PRIM2: variants seen among roughly 807,000 people sequenced by gnomAD.
PRIM2 encodes DNA primase large subunit.
Under a neutral mutation model 67.3 loss-of-function variants are expected in PRIM2, and 39 were observed. The ratio of observed to expected loss-of-function variants is 0.58; its 90% CI spans 0.45 to 0.76. PRIM2 has a LOEUF of 0.76. Among genes scored for constraint, PRIM2 ranks in the 30% least tolerant of loss-of-function variants. The pLI is 0.00. For missense variants in PRIM2, 398 were observed against 598.7 expected, an observed-to-expected ratio of 0.66 and a Z score of 3.50; for synonymous variants, 143 against 198.7, an observed-to-expected ratio of 0.72 and a Z score of 2.36.
rs35655127 is a variant in PRIM2 at position 57,452,143 on chromosome 6, G to A, written c.694-55244G>A. On this transcript the variant is annotated intron_variant, in intron 7 of 13. Transcript: ENST00000615550. ...TTTTTTTATGGCTGCATAGTATTCCGTGGTATATATGTGCCACATTTTCTT... is the reference window on the plus strand; with the variant it reads ...TTTTTTTATGGCTGCATAGTATTCCATGGTATATATGTGCCACATTTTCTT... Among the ~76,000 whole-genome samples the A allele has an allele frequency of 4.6e-5, 7 of 152,028 alleles. No homozygotes were observed. In the South Asian group the frequency reaches 6.2e-4, roughly 14 times the overall value.
At chr6:57,286,992 C>A in the PRIM2 span, among the ~76,000 whole-genome samples, 35 of 152,110 alleles carry the variant, frequency 2.3e-4, no homozygotes, top group Non-Finnish European at 4.0e-4. Flanking sequence ...ATGTGGCCAA[C>A]AAACATATGG....
intron 10 of PRIM2, among the ~76,000 whole-genome samples, chr6:57,539,421 T>C (rs1775087207): frequency 6.6e-6 from 1 of 152,182 alleles, no homozygotes; most frequent in Admixed American, 6.6e-5. Context: ...GAAAGTGATG[T>C]AATTTGTTTA....
intron 7 of PRIM2, among the ~76,000 whole-genome samples, chr6:57,500,083 C>G (rs1774099508): frequency 6.6e-6 from 1 of 152,214 alleles, no homozygotes; most frequent in Non-Finnish European, 1.5e-5. Flanking sequence ...ATAGAGCTGT[C>G]TACCTATCTG....
At chr6:57,411,696 G>A (rs557947961) in intron 7 of PRIM2, among the ~76,000 whole-genome samples, 6 of 152,262 alleles carry the variant, frequency 3.9e-5, no homozygotes, top group Non-Finnish European at 7.3e-5. Flanking sequence ...AACCTACTAT[G>A]TCAAGGTATA....
intron 7 of PRIM2, among the ~76,000 whole-genome samples, chr6:57,384,396 G>GT (rs1283180636): frequency 6.6e-6 from 1 of 152,244 alleles, no homozygotes; most frequent in East Asian, 1.9e-4. Flanking sequence ...TCATATTGGG[G>GT]TATCATTTTT....
At chr6:57,237,225 G>A in the PRIM2 span, among the ~76,000 whole-genome samples, 2 of 152,134 alleles carry the variant, frequency 1.3e-5, no homozygotes, top group East Asian at 1.9e-4. Context: ...TTTGAGAAGT[G>A]TCTGTTCATA....
chr6:57,433,099 T>C (rs1771887340), intron 7 of PRIM2, among the ~76,000 whole-genome samples: 1 of 152,258 alleles, frequency 6.6e-6, no homozygotes, highest in Non-Finnish European at 1.5e-5. Context: ...GTATTGTGTA[T>C]GGTTTCAGTG....
the PRIM2 span, among the ~76,000 whole-genome samples, chr6:57,301,886 CTA>C: frequency 5.2e-4 from 79 of 152,264 alleles, no homozygotes; most frequent in Admixed American, 4.6e-4. Context: ...ATTATTAATT[CTA>C]TGAGTGTTGA....
the PRIM2 span, among the ~76,000 whole-genome samples, chr6:57,225,061 C>T: frequency 6.6e-6 from 1 of 152,196 alleles, no homozygotes; most frequent in Non-Finnish European, 1.5e-5. Context: ...TACTCGGCCA[C>T]AATTTACCAC....
chr6:57,482,312 A>C (rs1773648821), intron 7 of PRIM2, among the ~76,000 whole-genome samples: 1 of 152,164 alleles, frequency 6.6e-6, no homozygotes, highest in Admixed American at 6.5e-5. Context: ...GAATTATTTG[A>C]AAATCAAATA....
chr6:57,370,344 G>T (rs1769502697), intron 5 of PRIM2, among the ~76,000 whole-genome samples: 1 of 152,144 alleles, frequency 6.6e-6, no homozygotes. Flanking sequence ...AGAGTAAAGA[G>T]AATATTCAGG....
At chr6:57,561,388 C>A (rs1192825403) in intron 10 of PRIM2, among the ~76,000 whole-genome samples, 20 of 152,314 alleles carry the variant, frequency 1.3e-4, no homozygotes, top group East Asian at 5.8e-4. Flanking sequence ...CACGCCGCCA[C>A]ACCCGGCTGA....
intron 7 of PRIM2, among the ~76,000 whole-genome samples, chr6:57,464,437 G>A (rs181465429): frequency 4.6e-5 from 7 of 151,954 alleles, no homozygotes; most frequent in South Asian, 2.1e-4. Flanking sequence ...GCCACCACAC[G>A]TGGCTAATTT....
intron 7 of PRIM2, among the ~76,000 whole-genome samples, chr6:57,421,083 A>C (rs138089539): frequency 1.3e-5 from 2 of 152,300 alleles, no homozygotes; most frequent in East Asian, 3.9e-4. Flanking sequence ...GAAGGATGGA[A>C]GAGCACTCAG....
intron 12 of PRIM2, among the ~76,000 whole-genome samples, chr6:57,612,816 A>T (rs1776690511): frequency 2.2e-5 from 3 of 137,942 alleles, no homozygotes; most frequent in South Asian, 2.2e-4. Context: ...TTTTAAATAG[A>T]CAGGGTCTTG....
At chr6:57,561,534 A>G (rs1775630009) in intron 10 of PRIM2, among the ~76,000 whole-genome samples, 1 of 152,156 alleles carries the variant, frequency 6.6e-6, no homozygotes, top group African/African-American at 2.4e-5. Context: ...TGCCCAGCCA[A>G]TTCGCTCAAA....
intron 7 of PRIM2, among the ~76,000 whole-genome samples, chr6:57,455,103 A>C (rs1451510204): frequency 6.6e-6 from 1 of 151,974 alleles, no homozygotes; most frequent in Non-Finnish European, 1.5e-5. Flanking sequence ...GTTTTGAGTG[A>C]GTTTCTTAAT....
intron 7 of PRIM2, among the ~76,000 whole-genome samples, chr6:57,478,432 C>A (rs1396659836): frequency 6.6e-6 from 1 of 151,382 alleles, no homozygotes; most frequent in Admixed American, 6.6e-5. Context: ...CCTCGAACTC[C>A]TGTGCTCAAG....
At chr6:57,337,188 A>C (rs1182270844) in intron 5 of PRIM2, among the ~76,000 whole-genome samples, 1 of 151,912 alleles carries the variant, frequency 6.6e-6, no homozygotes, top group Non-Finnish European at 1.5e-5. Context: ...CACCCAATAC[A>C]GGAGCACCCA....
Sources: allele counts gnomAD v4.1 joint callset (sites outside exome capture counted in the v4.1 genomes callset), GRCh38; gene constraint gnomAD v4.1.1; transcripts MANE v1.5; gene names NCBI Gene and HGNC (gene_info 2026-07-23, HGNC 2026-07-21).